The following ITGB3BP variants were observed in gnomAD, a reference collection of about 807,000 sequenced individuals.
ITGB3BP encodes integrin subunit beta 3 binding protein, also known as centromere protein R.
A neutral mutation model predicts 29.1 loss-of-function variants in ITGB3BP; 27 were observed. The observed-to-expected ratio is 0.93, with a 90% CI of 0.68 to 1.28. The LOEUF is 1.28. Ranked by LOEUF, ITGB3BP falls within the 50% of genes most tolerant of loss-of-function variation. ITGB3BP has a pLI of 0.00. For missense variants in ITGB3BP, 192 were observed against 200.2 expected, an observed-to-expected ratio of 0.96 and a Z score of 0.25; for synonymous variants, 61 against 61.4, an observed-to-expected ratio of 0.99 and a Z score of 0.03.
At chr1:63,446,133 G>A (rs1158449796) in intron 8 of ITGB3BP, among the ~76,000 whole-genome samples, 2 of 151,196 alleles carry the variant, frequency 1.3e-5, no homozygotes, top group African/African-American at 4.9e-5. Context: ...TCCTGACCTC[G>A]AGTGGTCCAC....
intron 3 of ITGB3BP, among the ~76,000 whole-genome samples, chr1:63,487,927 C>T (rs909064998): frequency 6.6e-6 from 1 of 152,048 alleles, no homozygotes; most frequent in Non-Finnish European, 1.5e-5. Context: ...TTTTCAGCTC[C>T]ATTATAATCT....
chr1:63,482,678 A>T (rs1489433726), intron 3 of ITGB3BP, among the ~76,000 whole-genome samples: 1 of 144,668 alleles, frequency 6.9e-6, no homozygotes, highest in Non-Finnish European at 1.5e-5. Flanking sequence ...TTTGAGACAG[A>T]GTCTCACTTT....
At chr1:63,511,380 G>C (rs1646196563) in intron 1 of ITGB3BP, among the ~76,000 whole-genome samples, 1 of 152,164 alleles carries the variant, frequency 6.6e-6, no homozygotes, top group African/African-American at 2.4e-5. Context: ...ATGGAAAACA[G>C]TATGGCAGTT....
chr1:63,465,240 T>C (rs902270212), intron 4 of ITGB3BP, among the ~76,000 whole-genome samples: 5 of 152,184 alleles, frequency 3.3e-5, no homozygotes, highest in African/African-American at 1.2e-4. Context: ...AAAGAGAGAA[T>C]GAAAGTACAT....
chr1:63,448,861 C>T (rs1466940514), intron 7 of ITGB3BP, among the ~76,000 whole-genome samples: 2 of 152,044 alleles, frequency 1.3e-5, no homozygotes, highest in Non-Finnish European at 2.9e-5. Flanking sequence ...ATATTGCTGA[C>T]ATCCCTTCTT....
intron 8 of ITGB3BP, among the ~76,000 whole-genome samples, chr1:63,444,321 A>G (rs1415840827): frequency 6.6e-6 from 1 of 151,920 alleles, no homozygotes; most frequent in Non-Finnish European, 1.5e-5. Context: ...GTGACGATGT[A>G]TCTATGATCA....
chr1:63,523,445 C>T (rs998198691), upstream of ITGB3BP: 4 of 458,396 alleles, frequency 8.7e-6, no homozygotes, highest in African/African-American at 3.9e-5. Flanking sequence ...TCTGTGCGCT[C>T]CGGATCAGCG....
intron 4 of ITGB3BP, among the ~76,000 whole-genome samples, chr1:63,465,826 A>G (rs1298534023): frequency 6.6e-6 from 1 of 152,126 alleles, no homozygotes; most frequent in Non-Finnish European, 1.5e-5. Flanking sequence ...GATTTGAGTC[A>G]TGTTTCTATT....
chr1:63,509,311 T>C (rs1208874239), intron 1 of ITGB3BP, among the ~76,000 whole-genome samples: 1 of 152,222 alleles, frequency 6.6e-6, no homozygotes, highest in African/African-American at 2.4e-5. Flanking sequence ...ATCAACATTT[T>C]ATTCAATGCA....
chr1:63,523,929 T>C (rs537576556), upstream of ITGB3BP, among the ~76,000 whole-genome samples: 1 of 152,292 alleles, frequency 6.6e-6, no homozygotes, highest in East Asian at 1.9e-4. Flanking sequence ...TTTTTCTTGC[T>C]ATTGTGTGGC....
intron 2 of ITGB3BP, among the ~76,000 whole-genome samples, chr1:63,504,875 T>C (rs1299603572): frequency 6.6e-6 from 1 of 152,218 alleles, no homozygotes; most frequent in Admixed American, 6.5e-5. Context: ...TTGATCATGG[T>C]GGATAAGCTT....
intron 7 of ITGB3BP, among the ~76,000 whole-genome samples, chr1:63,448,824 C>T (rs975966937): frequency 1.3e-5 from 2 of 151,996 alleles, no homozygotes; most frequent in African/African-American, 4.8e-5. Flanking sequence ...TTTACTTATG[C>T]TTTTATCTTT....
chr1:63,516,721 AAAAAAAG>A (rs1177947906), intron 1 of ITGB3BP, among the ~76,000 whole-genome samples: 1 of 151,460 alleles, frequency 6.6e-6, no homozygotes, highest in African/African-American at 2.4e-5. Flanking sequence ...TGAAAAAAAA[AAAAAAAG>A]AAAAAAGAAA....
chr1:63,478,593 C>G (rs191824877), intron 4 of ITGB3BP, among the ~76,000 whole-genome samples, 171 bp downstream of exon 4: 1 of 152,204 alleles, frequency 6.6e-6, no homozygotes, highest in Non-Finnish European at 1.5e-5. Flanking sequence ...CATTATAGAA[C>G]ATCACAAACC....
At chr1:63,481,617 A>T (rs1375710656) in intron 3 of ITGB3BP, among the ~76,000 whole-genome samples, 1 of 152,198 alleles carries the variant, frequency 6.6e-6, no homozygotes. Context: ...CCATCACTGA[A>T]TCTGAACTAC....
upstream of ITGB3BP, among the ~76,000 whole-genome samples, chr1:63,526,957 G>A (rs145177283): frequency 7.3e-3 from 1,109 of 152,242 alleles, 8 homozygotes; most frequent in African/African-American, 0.025. Context: ...TAGAGACGGG[G>A]TTTTGCCATG....
At chr1:63,520,051 T>C (rs1254321860) in intron 1 of ITGB3BP, among the ~76,000 whole-genome samples, 3 of 152,030 alleles carry the variant, frequency 2.0e-5, no homozygotes, top group African/African-American at 7.2e-5. Context: ...TGTACACTAA[T>C]TAGCAAGACT....
At chr1:63,493,298 C>G (rs1406302220) in intron 2 of ITGB3BP, among the ~76,000 whole-genome samples, 1 of 151,968 alleles carries the variant, frequency 6.6e-6, no homozygotes, top group African/African-American at 2.4e-5. Context: ...GCCTGTTGTC[C>G]TAGCTACTCA....
chr1:63,480,884 A>G (rs775458345), intron 3 of ITGB3BP, among the ~76,000 whole-genome samples: 57 of 152,180 alleles, frequency 3.7e-4, no homozygotes, highest in Non-Finnish European at 6.6e-4. Context: ...AGAGTTTTGG[A>G]GTAATAAATT....
Sources: gnomAD v4.1 joint callset for allele counts (sites outside exome capture counted in the v4.1 genomes callset) on GRCh38, gnomAD v4.1.1 for gene constraint, MANE v1.5 for transcripts, NCBI Gene and HGNC (gene_info 2026-07-23, HGNC 2026-07-21) for gene names.